NELL1: variants seen among roughly 807,000 people sequenced by gnomAD.
NELL1 encodes the protein neural EGFL like 1.
In NELL1, 76 loss-of-function variants were observed where a neutral mutation model predicts 107.4. That is an observed-to-expected ratio of 0.71 (90% CI 0.59 to 0.86). The LOEUF is 0.86. Ranked by LOEUF, NELL1 falls within the 40% of genes least tolerant of loss-of-function variation. The probability of loss-of-function intolerance (pLI) is 0.00; values close to 1 mark genes in which losing one functional copy is unlikely to be tolerated. For synonymous variants in NELL1, 353 were observed against 341.2 expected, an observed-to-expected ratio of 1.03 and a Z score of -0.38; for missense variants, 1,024 against 1,005.5, an observed-to-expected ratio of 1.02 and a Z score of -0.25.
At chr11:21,574,300 G>T (rs1300479726) in intron 19 of NELL1, among the ~76,000 whole-genome samples, 1 of 151,410 alleles carries the variant, frequency 6.6e-6, no homozygotes, top group Non-Finnish European at 1.5e-5. Context: ...AGCCCCAGTA[G>T]AAAAAGGATA....
At chr11:21,054,775 T>A (rs1309929247) in intron 12 of NELL1, among the ~76,000 whole-genome samples, 1 of 152,110 alleles carries the variant, frequency 6.6e-6, no homozygotes, top group African/African-American at 2.4e-5. Context: ...TTTCTACTTG[T>A]ATATTCATCT....
rs191236284 is a variant in NELL1, at chr11:20,700,747, G to A, written c.184+22687G>A. ...TTGTTCAATTCCCACCTCTGAGTAA[G>A]AACATGCGGTGTTTGGTTTTCTGTC... On this transcript the variant is annotated intron_variant, in intron 2 of 19. Coordinates refer to ENST00000357134, the MANE Select transcript of NELL1 (RefSeq NM_006157.5). 7.1e-3 allele frequency among the ~76,000 whole-genome samples: 1,076 copies of A among 151,978 alleles called. 8 individuals are homozygous for A. The highest frequency in any genetic ancestry group is 0.025 in the African/African-American group (1,027 of 41,450).
At chr11:21,477,731 T>TA (rs1345696252) in intron 15 of NELL1, among the ~76,000 whole-genome samples, 7 of 152,166 alleles carry the variant, frequency 4.6e-5, no homozygotes, top group Middle Eastern at 6.8e-3. Flanking sequence ...AATCCTAAGA[T>TA]ACGTGACCTT....
At chr11:21,321,796 A>T (rs900856829) in intron 14 of NELL1, among the ~76,000 whole-genome samples, 15 of 152,230 alleles carry the variant, frequency 9.9e-5, no homozygotes, top group Non-Finnish European at 1.8e-4. Context: ...TCTCCTGCAC[A>T]GTCCCACACA....
At chr11:20,678,206 T>C (rs1368739987) in intron 2 of NELL1, 146 bp downstream of exon 2, 2 of 885,728 alleles carry the variant, frequency 2.3e-6, no homozygotes, top group Admixed American at 4.2e-5. Context: ...ATGCAGGGGG[T>C]ATTATTCTGA....
At chr11:21,559,939 T>C (rs1028408037) in intron 16 of NELL1, among the ~76,000 whole-genome samples, 5 of 152,166 alleles carry the variant, frequency 3.3e-5, no homozygotes, top group African/African-American at 1.2e-4. Flanking sequence ...ACTAGCTCTA[T>C]GACAGTGGTC....
chr11:21,029,564 C>T (rs568313196), intron 12 of NELL1, among the ~76,000 whole-genome samples: 1 of 152,194 alleles, frequency 6.6e-6, no homozygotes, highest in Non-Finnish European at 1.5e-5. Context: ...AATCCCTGTG[C>T]AAATGCCTGA....
intron 13 of NELL1, among the ~76,000 whole-genome samples, chr11:21,140,171 T>G (rs1464937158): frequency 6.6e-6 from 1 of 152,154 alleles, no homozygotes; most frequent in Non-Finnish European, 1.5e-5. Context: ...GAGCCTGGGT[T>G]GGACTTGAAA....
intron 9 of NELL1, among the ~76,000 whole-genome samples, chr11:20,937,455 T>G (rs891887503): frequency 6.6e-6 from 1 of 152,254 alleles, no homozygotes; most frequent in Non-Finnish European, 1.5e-5. Context: ...AAGCTACTGC[T>G]AACTGTACTC....
chr11:21,063,317 C>T (rs1252676067), intron 12 of NELL1, among the ~76,000 whole-genome samples: 2 of 152,154 alleles, frequency 1.3e-5, no homozygotes, highest in Admixed American at 6.5e-5. Flanking sequence ...GGAAGCTCTG[C>T]TGAGCTTCGG....
intron 14 of NELL1, among the ~76,000 whole-genome samples, chr11:21,342,852 C>T (rs868126134): frequency 1.3e-5 from 2 of 152,094 alleles, no homozygotes; most frequent in South Asian, 4.2e-4. Context: ...ACTGAACATT[C>T]CTTACAGTGA....
intron 12 of NELL1, among the ~76,000 whole-genome samples, chr11:21,014,506 G>A (rs546327630): frequency 6.6e-6 from 1 of 152,038 alleles, no homozygotes; most frequent in African/African-American, 2.4e-5. Flanking sequence ...CCAAAACTAG[G>A]TTACAAAACG....
intron 5 of NELL1, among the ~76,000 whole-genome samples, chr11:20,904,783 C>G (rs1033420713): frequency 6.6e-6 from 1 of 151,874 alleles, no homozygotes; most frequent in Admixed American, 6.6e-5. Context: ...TGCTGACATT[C>G]AAGGAAATCC....
intron 2 of NELL1, among the ~76,000 whole-genome samples, chr11:20,687,047 T>C (rs1462151965): frequency 1.3e-5 from 2 of 148,448 alleles, no homozygotes; most frequent in East Asian, 2.0e-4. Context: ...CTCTCTCTCT[T>C]TTTTTTTTTT....
intron 14 of NELL1, among the ~76,000 whole-genome samples, chr11:21,288,689 T>C (rs990271654): frequency 1.3e-5 from 2 of 152,246 alleles, no homozygotes; most frequent in Admixed American, 6.5e-5. Flanking sequence ...GTTTTGGTTG[T>C]CTATTGCTGT....
At chr11:21,128,141 T>A (rs1855530443) in intron 13 of NELL1, among the ~76,000 whole-genome samples, 2 of 152,094 alleles carry the variant, frequency 1.3e-5, no homozygotes, top group African/African-American at 4.8e-5. Flanking sequence ...TAGGGAAAAA[T>A]AGGAGGTTAA....
At chr11:20,822,536 G>C (rs1857780775) in intron 3 of NELL1, among the ~76,000 whole-genome samples, 1 of 152,180 alleles carries the variant, frequency 6.6e-6, no homozygotes, top group Non-Finnish European at 1.5e-5. Flanking sequence ...AGGTGTGGGT[G>C]GGTGAAACAC....
At chr11:21,434,784 T>C (rs751920288) in intron 15 of NELL1, among the ~76,000 whole-genome samples, 13 of 152,204 alleles carry the variant, frequency 8.5e-5, no homozygotes, top group Admixed American at 1.3e-4. Context: ...GTAGATTGCT[T>C]TCTGAAATAT....
At chr11:20,807,364 G>A (rs1857406892) in intron 3 of NELL1, among the ~76,000 whole-genome samples, 1 of 152,166 alleles carries the variant, frequency 6.6e-6, no homozygotes, top group South Asian at 2.1e-4. Context: ...GGATTGCCAG[G>A]CTGAGACTCT....
Sources: allele counts gnomAD v4.1 joint callset (sites outside exome capture counted in the v4.1 genomes callset), GRCh38; gene constraint gnomAD v4.1.1; transcripts MANE v1.5; gene names NCBI Gene and HGNC (gene_info 2026-07-23, HGNC 2026-07-21).